ERICH6: variants seen among roughly 807,000 people sequenced by gnomAD.
ERICH6 encodes the protein glutamate rich 6.
In ERICH6, 71 loss-of-function variants were observed where a neutral mutation model predicts 71.0. That is an observed-to-expected ratio of 1.00 (90% CI 0.83 to 1.22). The LOEUF (loss-of-function observed/expected upper bound fraction) is 1.22. Among genes scored for constraint, ERICH6 ranks in the 50% most tolerant of loss-of-function variants. The pLI is 0.00. For missense variants in ERICH6, 808 were observed against 797.2 expected (o/e 1.01, Z -0.16); for synonymous variants, 262 against 278.4 (o/e 0.94, Z 0.59).
chr3:150,680,751 A>G (rs537104547), intron 8 of ERICH6, 22 bp downstream of exon 8: 1 of 1,584,498 alleles, frequency 6.3e-7, no homozygotes, highest in South Asian at 1.2e-5. Context: ...TATGAGTTTC[A>G]GTATCGAAGT....
At chr3:150,674,858 C>T (rs112363086) in intron 10 of ERICH6, among the ~76,000 whole-genome samples, 30 of 151,482 alleles carry the variant, frequency 2.0e-4, no homozygotes, top group African/African-American at 4.4e-4. Flanking sequence ...TAGTGCTGGG[C>T]GCAGTGGCTC....
chr3:150,675,706 TG>T (rs1232975663), intron 10 of ERICH6, among the ~76,000 whole-genome samples: 13 of 148,688 alleles, frequency 8.7e-5, no homozygotes, highest in African/African-American at 2.7e-4. Context: ...GATTGGCCAT[TG>T]TTTTTTTTTT....
Position 150,698,826 on chromosome 3 carries a change from C to T in ERICH6, c.518G>A (p.Ser173Asn). 1 of 1,613,984 alleles carries T rather than the reference C, an allele frequency of 6.2e-7. No individual in the cohort carries two copies. Reference protein sequence around the residue: ...GIPVSVQTEESWLQDLSDKVQ... With the variant: ...GIPVSVQTEENWLQDLSDKVQ... ...TTTATCAGACAAATCTTGGAGCCAACTTTCTTCTGTTTGTACTGATACTGG... is the reference window on the plus strand; with the variant it reads ...TTTATCAGACAAATCTTGGAGCCAATTTTCTTCTGTTTGTACTGATACTGG... Residue 173 changes from serine to asparagine, a missense_variant, in exon 3 of 14, where the codon AGT (serine) becomes AAT (asparagine). Coordinates refer to ENST00000295910, the MANE Select transcript of ERICH6 (RefSeq NM_152394.5).
chr3:150,659,908 A>G lies in ERICH6; in HGVS notation c.1976T>C (p.Ile659Thr), dbSNP rs375788396. Residue 659 changes from isoleucine (I) to threonine (T), a missense_variant, in exon 14 of 14, where the codon ATA (isoleucine) becomes ACA (threonine). Around this residue, in one of 3 missense-constraint regions of ERICH6, gnomAD observed 736 missense variants for 712.2 expected, o/e 1.03. Coordinates refer to ENST00000295910, the MANE Select transcript of ERICH6 (RefSeq NM_152394.5). ...QDIMKTIRNIINEEI is the reference protein window; with the variant it reads ...QDIMKTIRNITNEEI ...CATTCTTAGTTAAATTTCTTCATTT[A>G]TTATATTTCTTATTGTCTTCATTAT... 18 of 1,600,960 alleles carry G rather than the reference A, an allele frequency of 1.1e-5. No homozygotes were observed. Among genetic ancestry groups the G allele is most frequent in the Admixed American group, 1.0e-4 (6 of 58,204 alleles).
intron 13 of ERICH6, among the ~76,000 whole-genome samples, chr3:150,662,875 C>T (rs1727273978): frequency 6.6e-6 from 1 of 152,116 alleles, no homozygotes; most frequent in African/African-American, 2.4e-5. Flanking sequence ...GGGGATAAAA[C>T]ATTTTAGGTT....
intron 1 of ERICH6, 91 bp from the exon 2 acceptor site, chr3:150,702,269 A>ATT: frequency 2.6e-5 from 9 of 352,228 alleles, no homozygotes; most frequent in South Asian, 7.3e-5. Flanking sequence ...ATGTCTGGAG[A>ATT]CTTTTTTTTT....
chr3:150,687,248 C>T (rs1712233847), intron 3 of ERICH6, among the ~76,000 whole-genome samples: 3 of 152,202 alleles, frequency 2.0e-5, no homozygotes, highest in South Asian at 2.1e-4. Context: ...TAATTCATGT[C>T]CCAGGCAGGA....
rs1447217836 is a variant in ERICH6, at chr3:150,698,845, A to G, written c.499T>C (p.Ser167Pro). 1 of 1,614,050 alleles carries G rather than the reference A, an allele frequency of 6.2e-7. No individual in the cohort carries two copies. Among genetic ancestry groups the G allele is most frequent in the East Asian group, 2.2e-5 (1 of 44,862 alleles). ...HRNLSPGIPV[S>P]VQTEESWLQD... is the part of the protein sequence containing the mutation. ...AGCCAACTTTCTTCTGTTTGTACTG[A>G]TACTGGAATTCCTGGAGACAAATTG... Residue 167 changes from serine (S) to proline (P), a missense_variant, in exon 3 of 14, where the codon TCA becomes CCA. By Grantham distance (74) the Ser-to-Pro change is moderately conservative. Transcript: ENST00000295910.
rs114572143 is a variant in ERICH6 at position 150,666,870 on chromosome 3, G to A, written c.1645C>T (p.Arg549Cys). ...FLALNRYIGV[R>C]ILEQDKISIT... ...GAAATCTTGTCTTGTTCTAAGATGC[G>A]GACTCCAATATAACGGTTCAAAGCC... The change falls in exon 13 of 14, where the codon CGC becomes TGC. Residue 549 changes from arginine (R) to cysteine (C), a missense_variant. By Grantham distance (180) the Arg-to-Cys change is radical (BLOSUM62 -3). Around this residue, in one of 3 missense-constraint regions of ERICH6, gnomAD observed 736 missense variants for 712.2 expected, o/e 1.03. Coordinates refer to ENST00000295910, the MANE Select transcript of ERICH6 (RefSeq NM_152394.5). The A allele has an allele frequency of 0.021, 33,956 of 1,614,000 alleles. 451 individuals carry two copies. Among genetic ancestry groups the A allele is most frequent in the Non-Finnish European group, 0.023 (27,229 of 1,179,978 alleles).
intron 3 of ERICH6, among the ~76,000 whole-genome samples, chr3:150,689,213 A>G (rs1712321172): frequency 6.9e-6 from 1 of 144,224 alleles, no homozygotes; most frequent in South Asian, 2.4e-4. Flanking sequence ...TTGAAGTTTT[A>G]CTTGCTTCCA....
At chr3:150,680,438 G>A (rs936059547) in intron 9 of ERICH6, 30 bp downstream of exon 9, 1 of 1,601,280 alleles carries the variant, frequency 6.2e-7, no homozygotes, top group East Asian at 2.2e-5. Context: ...TTGTACAGCT[G>A]GTCTATAAGA....
Position 150,686,130 on chromosome 3 carries a change from GCA to G in ERICH6, c.611-111_611-110del, listed in dbSNP as rs1247490665. On this transcript the variant is annotated intron_variant, in intron 4 of 13. Transcript: ENST00000295910. The stretch of plus-strand genomic sequence containing the variant: ...CACCATCATCCTCCTTGCCCAGCAC[GCA>G]CACACTGTTCAGATGCCCTGATCCC... The G allele has an allele frequency of 2.5e-6, 3 of 1,186,380 alleles. No homozygotes were observed. The African/African-American group carries it at 4.5e-5, about 18-fold the overall frequency. 73.5% of individuals were successfully genotyped at this position (1,186,380 alleles called of 1,614,324 possible).
chr3:150,672,443 C>T (rs1711512940), intron 11 of ERICH6, among the ~76,000 whole-genome samples: 1 of 150,638 alleles, frequency 6.6e-6, no homozygotes, highest in Admixed American at 6.6e-5. Context: ...ACTAAAAATA[C>T]AAAAATTAGC....
At chr3:150,694,163 C>A (rs1712562760) in intron 3 of ERICH6, among the ~76,000 whole-genome samples, 1 of 152,050 alleles carries the variant, frequency 6.6e-6, no homozygotes, top group South Asian at 2.1e-4. Flanking sequence ...CTGCTAAAAC[C>A]ATTTTAGCCA....
At position 150,680,926 on chromosome 3, in the gene ERICH6, G is replaced by A. The variant is rs1711901549; in HGVS notation, c.887C>T (p.Ser296Phe). ...CAGATTTTGGAAAGCAATACAACAG[G>A]AGGCCTGGAAAACACAGAAGTTACT... Reference protein sequence around the residue: ...DVSSEPKGHASCCIAFQNLID... With the variant: ...DVSSEPKGHAFCCIAFQNLID... The change falls in exon 8 of 14, where the codon TCC becomes TTC. Residue 296 changes from serine (S) to phenylalanine (F), a missense_variant. Physicochemically the swap from Ser to Phe is radical, Grantham distance 155 (BLOSUM62 -2). Transcript: ENST00000295910. 1 of 1,607,860 alleles carries A rather than the reference G, an allele frequency of 6.2e-7. No individual in the cohort carries two copies.
At position 150,680,943 on chromosome 3, in the gene ERICH6, G is replaced by A. The variant is rs754500576; in HGVS notation, c.883-13C>T. ...TACAACAGGAGGCCTGGAAAACACA[G>A]AAGTTACTCTCATCTCATTAGTCCT... On this transcript the variant is annotated splice_polypyrimidine_tract_variant and intron_variant, in intron 7 of 13. Transcript: ENST00000295910. 2 of 1,600,432 alleles carry A rather than the reference G, an allele frequency of 1.2e-6. No homozygotes were observed. The highest frequency in any genetic ancestry group is 1.7e-6 in the Non-Finnish European group (2 of 1,174,418).
intron 10 of ERICH6, 44 bp downstream of exon 10, chr3:150,678,365 G>A (rs780105541): frequency 6.6e-7 from 1 of 1,522,400 alleles, no homozygotes; most frequent in East Asian, 2.4e-5. Context: ...AGGTAAAACT[G>A]GTTTTTTTTA....
intron 10 of ERICH6, among the ~76,000 whole-genome samples, chr3:150,675,294 A>G (rs185325510): frequency 3.0e-4 from 45 of 152,302 alleles, no homozygotes; most frequent in African/African-American, 9.4e-4. Flanking sequence ...AATTTTGTCA[A>G]TTAAAAAGTG....
chr3:150,665,637 G>A (rs563562305), intron 13 of ERICH6, among the ~76,000 whole-genome samples: 19 of 151,592 alleles, frequency 1.3e-4, no homozygotes, highest in Non-Finnish European at 2.2e-4. Context: ...GACCAGCCTG[G>A]CCAACATGGT....
Sources: gnomAD v4.1 joint callset for allele counts (sites outside exome capture counted in the v4.1 genomes callset) on GRCh38, gnomAD v4.1.1 for gene constraint, gnomAD v4.1.1 regional missense constraint, MANE v1.5 for transcripts, NCBI Gene and HGNC (gene_info 2026-07-23, HGNC 2026-07-21) for gene names.